AMPD1: variants seen among roughly 807,000 people sequenced by gnomAD.
AMPD1 encodes the protein adenosine monophosphate deaminase 1.
In AMPD1, 74 loss-of-function variants were observed where a neutral mutation model predicts 82.9. The observed-to-expected ratio is 0.89, with a 90% confidence interval of 0.74 to 1.08. The LOEUF (loss-of-function observed/expected upper bound fraction) is 1.08. Ranked by LOEUF, AMPD1 falls within the 50% of genes least tolerant of loss-of-function variation. The pLI is 0.00. For missense variants in AMPD1, 881 were observed against 924.5 expected (o/e 0.95, Z 0.61); for synonymous variants, 333 against 320.5 (o/e 1.04, Z -0.42).
At chr1:114,687,077 T>C (rs1040683743) in intron 3 of AMPD1, 167 bp from the exon 4 acceptor site, 4 of 726,742 alleles carry the variant, frequency 5.5e-6, no homozygotes, top group Non-Finnish European at 9.6e-6. Flanking sequence ...GAGAAATCAC[T>C]GAAGACACAT....
chr1:114,674,173 A>C, intron 13 of AMPD1, 91 bp from the exon 14 acceptor site: 1 of 1,210,202 alleles, frequency 8.3e-7, no homozygotes, highest in Non-Finnish European at 1.2e-6. Context: ...CTTAAGCTTC[A>C]GCTTTCAACA....
chr1:114,684,278 C>A lies in AMPD1; in HGVS notation c.468G>T (p.Gln156His), dbSNP rs139582106. 1,254 of 1,613,960 alleles carry A rather than the reference C, an allele frequency of 7.8e-4. No individual in the cohort carries two copies. The highest frequency in any genetic ancestry group is 1.4e-3 in the Admixed American group (82 of 59,990). Residue 156 changes from glutamine to histidine, a missense_variant, in exon 5 of 16, where the codon CAG becomes CAT. Gln to His is a conservative substitution (Grantham distance 24). Around this residue, in one of 2 missense-constraint regions of AMPD1, gnomAD observed 783 missense variants for 786.4 expected, o/e 1.00. Coordinates refer to ENST00000520113, the MANE Select transcript of AMPD1 (RefSeq NM_000036.3). ...IREKYMQKSF[Q>H]RFPKTPSKYL... is the part of the protein sequence containing the mutation. ...ATTTGGAAGGGGTTTTAGGGAACCT[C>A]TGAAACGACTTCTGCATGTATTTCT...
At chr1:114,684,828 G>T (rs2101720786) in intron 4 of AMPD1, among the ~76,000 whole-genome samples, 1 of 152,252 alleles carries the variant, frequency 6.6e-6, no homozygotes. Flanking sequence ...GATGAATAAG[G>T]GGTCACAAAT....
intron 2 of AMPD1, among the ~76,000 whole-genome samples, 176 bp downstream of exon 2, chr1:114,693,260 T>G (rs1355235167): frequency 6.6e-6 from 1 of 151,206 alleles, no homozygotes; most frequent in Non-Finnish European, 1.5e-5. Context: ...AGAAAAGCCA[T>G]GAGCTTATTT....
chr1:114,686,675 G>T, intron 4 of AMPD1, 70 bp downstream of exon 4: 1 of 1,534,704 alleles, frequency 6.5e-7, no homozygotes, highest in Middle Eastern at 1.7e-4. Context: ...AGAGAAGAAG[G>T]CAAGGAGCTA....
rs185788553 is a variant in AMPD1 at position 114,674,227 on chromosome 1, G to A, written c.1801-145C>T. The A allele has an allele frequency of 2.3e-4, 174 of 742,982 alleles. 3 individuals are homozygous for A. Among genetic ancestry groups the A allele is most frequent in the Middle Eastern group, 3.8e-4 (1 of 2,612 alleles). 46.0% of individuals were successfully genotyped at this position (742,982 alleles called of 1,614,324 possible). A position where few individuals can be genotyped will look rare whatever the true frequency, so the allele number is the denominator to read the frequency against. Reference sequence around the variant, plus strand: ...CAAGTCTCTTAGTAAGGAGAATTTAGGAGTTTTTCAATGTAAATGCTATTT... The same window carrying A: ...CAAGTCTCTTAGTAAGGAGAATTTAAGAGTTTTTCAATGTAAATGCTATTT... On this transcript the variant is annotated intron_variant, in intron 13 of 15. Transcript: ENST00000520113.
At chr1:114,677,846 C>CTTCCTTCCTTCCTTCT in intron 9 of AMPD1, 64 bp downstream of exon 9, 1 of 1,350,654 alleles carries the variant, frequency 7.4e-7, no homozygotes, top group African/African-American at 1.6e-5. Flanking sequence ...TCCTTCCTTC[C>CTTCCTTCCTTCCTTCT]TTCCTTCTTC....
rs548608037 is a variant in AMPD1, at chr1:114,678,476, G to A, written c.949C>T (p.Arg317Cys). 105 of 1,614,138 alleles carry A rather than the reference G, an allele frequency of 6.5e-5. No individual in the cohort carries two copies. Among genetic ancestry groups the A allele is most frequent in the South Asian group, 4.1e-4 (37 of 91,088 alleles). ...ATTTGGTAAGATTTCTTAATAAAAC[G>A]CAGCAGATGTTTCTGGTTCATGCAA... ...AACMNQKHLLRFIKKSYQIDA... is the reference protein window; with the variant it reads ...AACMNQKHLLCFIKKSYQIDA... Residue 317 changes from arginine (R) to cysteine (C), a missense_variant, in exon 8 of 16, where the codon CGT becomes TGT. By Grantham distance (180) the Arg-to-Cys change is radical (BLOSUM62 -3). Around this residue, in one of 2 missense-constraint regions of AMPD1, gnomAD observed 783 missense variants for 786.4 expected, o/e 1.00. Transcript: ENST00000520113.
At chr1:114,683,516 G>A (rs1271756081) in intron 5 of AMPD1, among the ~76,000 whole-genome samples, 5 of 152,070 alleles carry the variant, frequency 3.3e-5, no homozygotes, top group African/African-American at 4.8e-5. Context: ...CAGGCAGATC[G>A]CTTGAGGCCA....
intron 7 of AMPD1, 70 bp from the exon 8 acceptor site, chr1:114,678,597 T>C: frequency 7.1e-7 from 1 of 1,413,620 alleles, no homozygotes; most frequent in Non-Finnish European, 9.9e-7. Context: ...TTAGAGGATA[T>C]GGTGCTGCAA....
intron 2 of AMPD1, among the ~76,000 whole-genome samples, chr1:114,691,362 A>AG (rs1570855145): frequency 8.8e-6 from 1 of 114,088 alleles, no homozygotes; most frequent in Non-Finnish European, 1.8e-5. Flanking sequence ...AAGACTTTGG[A>AG]GCCTGGGCAA....
intron 10 of AMPD1, 65 bp downstream of exon 10, chr1:114,677,286 T>C (rs1658014803): frequency 6.3e-7 from 1 of 1,593,350 alleles, no homozygotes; most frequent in East Asian, 2.2e-5. Flanking sequence ...TCCTTGTTCA[T>C]ACAGGGGACT....
At chr1:114,690,261 G>A (rs2101725527) in intron 2 of AMPD1, among the ~76,000 whole-genome samples, 1 of 152,272 alleles carries the variant, frequency 6.6e-6, no homozygotes, top group East Asian at 1.9e-4. Context: ...CGCTGGCAAG[G>A]CTGTTGTGAC....
intron 1 of AMPD1, among the ~76,000 whole-genome samples, chr1:114,694,098 A>C (rs1312500498): frequency 6.6e-6 from 1 of 152,188 alleles, no homozygotes; most frequent in Non-Finnish European, 1.5e-5. Context: ...AGGCGCCTGT[A>C]GTCCCAACTA....
intron 3 of AMPD1, among the ~76,000 whole-genome samples, 181 bp downstream of exon 3, chr1:114,688,380 G>A (rs373627315): frequency 3.3e-5 from 5 of 152,204 alleles, no homozygotes; most frequent in African/African-American, 7.2e-5. Context: ...CACCCACCTC[G>A]GCCTCCCAGA....
At chr1:114,678,107 A>C (rs1658054694) in intron 8 of AMPD1, 66 bp from the exon 9 acceptor site, 3 of 1,602,042 alleles carry the variant, frequency 1.9e-6, no homozygotes, top group African/African-American at 1.3e-5. Flanking sequence ...AGAGCTAGGA[A>C]ATAGTCAAGC....
In AMPD1 at chr1:114,674,887, C is replaced by T. The variant is rs535501788; in HGVS notation, c.1680-15G>A. 1 of 1,614,040 alleles carries T rather than the reference C, an allele frequency of 6.2e-7. No homozygotes were observed. Among genetic ancestry groups the T allele is most frequent in the African/African-American group, 1.3e-5 (1 of 75,028 alleles). On this transcript the variant is annotated splice_polypyrimidine_tract_variant and intron_variant, in intron 12 of 15. Coordinates refer to ENST00000520113, the MANE Select transcript of AMPD1 (RefSeq NM_000036.3). ...TGCCTCGTTCCCTGGGGAAATAGAA[C>T]TGCTATTGGAATCGCAGGTTCTGGG...
Position 114,677,734 on chromosome 1 carries a change from T to C in AMPD1, c.1224+176A>G, listed in dbSNP as rs116342926. On this transcript the variant is annotated intron_variant, in intron 9 of 15. Transcript: ENST00000520113. ...CAGAGGAAATCCTTATATTCATTTG[T>C]GTAGTGTTTGGCCCCAGGGATCGCT... Among the ~76,000 whole-genome samples the C allele has an allele frequency of 5.8e-3, 876 of 152,086 alleles. 14 individuals carry two copies. The highest frequency in any genetic ancestry group is 0.02 in the African/African-American group (826 of 41,482).
chr1:114,686,485 C>T (rs1036384395), intron 4 of AMPD1, among the ~76,000 whole-genome samples: 1 of 152,134 alleles, frequency 6.6e-6, no homozygotes, highest in Non-Finnish European at 1.5e-5. Flanking sequence ...CCATTGTATT[C>T]TGTAACATAC....
Sources: gnomAD v4.1 joint callset for allele counts (sites outside exome capture counted in the v4.1 genomes callset) on GRCh38, gnomAD v4.1.1 for gene constraint, gnomAD v4.1.1 regional missense constraint, MANE v1.5 for transcripts, NCBI Gene and HGNC (gene_info 2026-07-23, HGNC 2026-07-21) for gene names.